VGLL4: variants seen among roughly 807,000 people sequenced by gnomAD.
VGLL4 encodes the protein transcription cofactor vestigial-like protein 4.
VGLL4 carries 7 observed loss-of-function variants against 21.0 expected under a neutral mutation model. The ratio of observed to expected loss-of-function variants is 0.33; its 90% confidence interval spans 0.19 to 0.63. The LOEUF is 0.63. VGLL4 is among the 20% of genes least tolerant of loss of function. VGLL4 has a pLI of 0.78. For synonymous variants in VGLL4, 222 were observed against 173.2 expected (o/e 1.28, Z -2.21); for missense variants, 394 against 425.7 (o/e 0.93, Z 0.66).
At chr3:11,680,943 C>T (rs1163404409) in intron 2 of VGLL4, among the ~76,000 whole-genome samples, 1 of 152,232 alleles carries the variant, frequency 6.6e-6, no homozygotes, top group East Asian at 1.9e-4. Flanking sequence ...GCTGCCTACA[C>T]GATTTCAATG....
At chr3:11,698,075 G>A (rs2076629285) in intron 2 of VGLL4, among the ~76,000 whole-genome samples, 1 of 152,164 alleles carries the variant, frequency 6.6e-6, no homozygotes, top group Non-Finnish European at 1.5e-5. Flanking sequence ...AGAAGATATG[G>A]TTACCAAACT....
Position 11,556,632 on chromosome 3 carries a change from C to CAAA in VGLL4, c.*1921_*1923dup, listed in dbSNP as rs61586366. On this transcript the variant is annotated 3_prime_UTR_variant, in exon 5 of 5. Coordinates refer to ENST00000430365, the MANE Select transcript of VGLL4 (RefSeq NM_001128219.3). The stretch of plus-strand genomic sequence containing the variant: ...AGATCAACTTTTTTTTTCCGAACAA[C>CAAA]AAAAAAAATGAATGATTACAATAGG... 4 of 150,948 alleles carry CAAA rather than the reference C, an allele frequency of 2.6e-5. No individual in the cohort carries two copies. The highest frequency in any genetic ancestry group is 9.8e-5 in the African/African-American group (4 of 40,892). 9.4% of individuals were successfully genotyped at this position (150,948 alleles called of 1,614,324 possible).
intron 2 of VGLL4, among the ~76,000 whole-genome samples, chr3:11,658,461 C>T (rs905730508): frequency 1.3e-5 from 2 of 151,746 alleles, no homozygotes; most frequent in African/African-American, 4.9e-5. Context: ...ACCTGTAAAA[C>T]GGAAGCCTTC....
At chr3:11,559,919 A>C (rs75471299) in intron 3 of VGLL4, among the ~76,000 whole-genome samples, 1,556 of 152,266 alleles carry the variant, frequency 0.01, 29 homozygotes, top group African/African-American at 0.035. Flanking sequence ...GCTTGAGCCA[A>C]AGCCAGCTCG....
intron 1 of VGLL4, among the ~76,000 whole-genome samples, chr3:11,619,572 A>C (rs1434296627): frequency 6.6e-6 from 1 of 152,206 alleles, no homozygotes; most frequent in Non-Finnish European, 1.5e-5. Flanking sequence ...GGGCTAACGC[A>C]GAACACTTGG....
chr3:11,692,743 G>C (rs1024942086), intron 2 of VGLL4, among the ~76,000 whole-genome samples: 9 of 151,758 alleles, frequency 5.9e-5, no homozygotes, highest in Admixed American at 2.6e-4. Context: ...GTTTTTTTGA[G>C]GGGGGGTGGG....
At chr3:11,642,094 A>G (rs568432378) in intron 1 of VGLL4, among the ~76,000 whole-genome samples, 13 of 152,266 alleles carry the variant, frequency 8.5e-5, no homozygotes, top group Admixed American at 3.9e-4. Context: ...AAGCCCAGCA[A>G]TGGCTGCTTA....
chr3:11,651,274 C>T (rs1286708263), intron 2 of VGLL4, among the ~76,000 whole-genome samples: 1 of 148,570 alleles, frequency 6.7e-6, no homozygotes, highest in Non-Finnish European at 1.5e-5. Flanking sequence ...ACCCAGGAGG[C>T]GGAGGTTGTA....
intron 3 of VGLL4, 132 bp from the exon 4 acceptor site, chr3:11,559,587 A>G: frequency 7.6e-7 from 1 of 1,320,006 alleles, no homozygotes; most frequent in Non-Finnish European, 1.0e-6. Context: ...TCCCACTTCA[A>G]TACTGGAGTC....
intron 2 of VGLL4, among the ~76,000 whole-genome samples, chr3:11,678,649 C>A (rs1003595225): frequency 3.3e-5 from 5 of 152,156 alleles, no homozygotes; most frequent in Non-Finnish European, 7.3e-5. Flanking sequence ...GCCATGATCG[C>A]ACCACGGCAC....
chr3:11,610,198 A>G (rs1432725102), intron 1 of VGLL4: 1 of 152,226 alleles, frequency 6.6e-6, no homozygotes, highest in Non-Finnish European at 1.5e-5. Flanking sequence ...CCCCTCTCAC[A>G]TCTCACCCTC....
At chr3:11,564,564 G>A (rs977588754) in intron 3 of VGLL4, among the ~76,000 whole-genome samples, 1 of 151,604 alleles carries the variant, frequency 6.6e-6, no homozygotes, top group African/African-American at 2.4e-5. Flanking sequence ...AGTGCTAAGA[G>A]GCAAGGCCCG....
chr3:11,712,350 A>G (rs1210103688), intron 1 of VGLL4, among the ~76,000 whole-genome samples: 1 of 152,216 alleles, frequency 6.6e-6, no homozygotes, highest in African/African-American at 2.4e-5. Flanking sequence ...CTAACTTCCT[A>G]TGATCACAAG....
At chr3:11,699,973 G>T (rs781423951) in intron 2 of VGLL4, among the ~76,000 whole-genome samples, 25 of 152,142 alleles carry the variant, frequency 1.6e-4, no homozygotes, top group Non-Finnish European at 2.2e-4. Flanking sequence ...GTATCGTTTT[G>T]TTTCTCCGAA....
chr3:11,666,248 C>CAA (rs61052269), intron 2 of VGLL4, among the ~76,000 whole-genome samples: 148 of 91,510 alleles, frequency 1.6e-3, no homozygotes, highest in East Asian at 0.015. Context: ...GACTGCGCCT[C>CAA]AAAAAAAAAA....
intron 2 of VGLL4, among the ~76,000 whole-genome samples, chr3:11,600,083 T>C (rs2074754711): frequency 6.6e-6 from 1 of 152,154 alleles, no homozygotes; most frequent in Non-Finnish European, 1.5e-5. Context: ...ATAACCAGTA[T>C]CTGAACAATG....
intron 2 of VGLL4, among the ~76,000 whole-genome samples, chr3:11,578,575 C>T (rs1444419197): frequency 6.6e-6 from 1 of 150,494 alleles, no homozygotes; most frequent in Non-Finnish European, 1.5e-5. Context: ...CCGATCTACC[C>T]TGACTGAACT....
At chr3:11,656,751 G>A (rs2075964728) in intron 2 of VGLL4, among the ~76,000 whole-genome samples, 1 of 152,216 alleles carries the variant, frequency 6.6e-6, no homozygotes, top group Admixed American at 6.5e-5. Flanking sequence ...GTGAGAACCA[G>A]GGATGGCTTT....
intron 2 of VGLL4, among the ~76,000 whole-genome samples, chr3:11,601,444 C>G (rs1181924266): frequency 2.0e-5 from 3 of 152,162 alleles, no homozygotes; most frequent in Non-Finnish European, 4.4e-5. Flanking sequence ...CTGAGCTTCC[C>G]TTCTATTTGT....
Sources: allele counts gnomAD v4.1 joint callset (sites outside exome capture counted in the v4.1 genomes callset), GRCh38; gene constraint gnomAD v4.1.1; transcripts MANE v1.5; gene names NCBI Gene and HGNC (gene_info 2026-07-23, HGNC 2026-07-21).